The following STK24 variants were observed in gnomAD, a reference collection of about 807,000 sequenced individuals.
STK24 encodes the protein serine/threonine kinase 24.
In STK24, 21 loss-of-function variants were observed where a neutral mutation model predicts 55.6. That is an observed-to-expected ratio of 0.38 (90% CI 0.27 to 0.54). STK24 has a LOEUF of 0.54. STK24 is among the 20% of genes least tolerant of loss of function. The pLI is 0.79. For synonymous variants in STK24, 200 were observed against 215.2 expected (o/e 0.93, Z 0.62); for missense variants, 383 against 538.4 (o/e 0.71, Z 2.86).
chr13:98,537,451 C>T (rs1399817429), intron 1 of STK24, among the ~76,000 whole-genome samples: 1 of 152,188 alleles, frequency 6.6e-6, no homozygotes, highest in African/African-American at 2.4e-5. Flanking sequence ...ACAAGTGAGG[C>T]GAGTGCAGCT....
intron 1 of STK24, among the ~76,000 whole-genome samples, chr13:98,546,611 G>A (rs1408163925): frequency 6.6e-6 from 1 of 152,110 alleles, no homozygotes; most frequent in Non-Finnish European, 1.5e-5. Flanking sequence ...GAGATAAGCA[G>A]GCCAGCTTAT....
rs1892943002 is a variant in STK24, at chr13:98,447,803, C to G, written c.*5370G>C. The G allele has an allele frequency of 1.2e-5, 2 of 170,990 alleles. No homozygotes were observed. The highest frequency in any genetic ancestry group is 1.2e-4 in the Admixed American group (2 of 16,746). The allele number at this position is 170,990 out of a possible 1,614,324, so 10.6% of individuals were successfully genotyped here. ...GTAGCTACAGTGGGCGATAACTGCA[C>G]CACTGAACTCCAGTATGAGTGACAG... is the stretch of plus-strand genomic sequence containing the variant. On this transcript the variant is annotated 3_prime_UTR_variant, in exon 11 of 11. Transcript: ENST00000539966.
chr13:98,540,022 A>G (rs149112023), intron 1 of STK24, among the ~76,000 whole-genome samples: 180 of 152,316 alleles, frequency 1.2e-3, no homozygotes, highest in Middle Eastern at 3.4e-3. Flanking sequence ...AAACAACAGA[A>G]TACGATTCTG....
rs1281611905 is a variant in STK24 at position 98,445,186 on chromosome 13, C to T, written c.*7987G>A. On this transcript the variant is annotated 3_prime_UTR_variant, in exon 11 of 11. Coordinates refer to ENST00000539966, the MANE Select transcript of STK24 (RefSeq NM_001032296.4). ...CCAGAGAGATGGAATGAGGCAGACT[C>T]GGAGGTCTGTATTTTTTATTGTGGT... 1 of 152,238 alleles carries T rather than the reference C, an allele frequency of 6.6e-6. No individual in the cohort carries two copies. The highest frequency in any genetic ancestry group is 1.5e-5 in the Non-Finnish European group (1 of 68,048). The allele number at this position is 152,238 out of a possible 1,614,324, so 9.4% of individuals were successfully genotyped here. A position where few individuals can be genotyped will look rare whatever the true frequency, so the allele number is the denominator to read the frequency against.
intron 1 of STK24, 32 bp downstream of exon 1, chr13:98,576,713 G>A (rs1452630616): frequency 6.9e-7 from 1 of 1,454,090 alleles, no homozygotes; most frequent in Non-Finnish European, 9.1e-7. Context: ...CCCCGGTCGC[G>A]CATCCCGGCC....
At chr13:98,545,372 C>T (rs1246314185) in intron 1 of STK24, among the ~76,000 whole-genome samples, 5 of 152,044 alleles carry the variant, frequency 3.3e-5, no homozygotes, top group African/African-American at 7.2e-5. Flanking sequence ...CTAGGCCGGG[C>T]GCAGTGGCTC....
rs527469322 is a variant in STK24, at chr13:98,567,525, G to A, written c.42+9220C>T. Among the ~76,000 whole-genome samples the A allele has an allele frequency of 2.6e-4, 39 of 152,342 alleles. 3 individuals carry two copies. In the South Asian group the frequency reaches 8.1e-3, roughly 32 times the overall value. On this transcript the variant is annotated intron_variant, in intron 1 of 10. Coordinates refer to ENST00000539966, the MANE Select transcript of STK24 (RefSeq NM_001032296.4). Reference sequence around the variant, plus strand: ...GGATCTTGGGACCAAAAAAATGAGAGAAGCAAGAAGAGCAGGTTCTCAGTT... The same window carrying A: ...GGATCTTGGGACCAAAAAAATGAGAAAAGCAAGAAGAGCAGGTTCTCAGTT...
chr13:98,450,551 A>G lies in STK24; in HGVS notation c.*2622T>C, dbSNP rs1352040458. On this transcript the variant is annotated 3_prime_UTR_variant, in exon 11 of 11. Coordinates refer to ENST00000539966, the MANE Select transcript of STK24 (RefSeq NM_001032296.4). ...ACCTCATTGGCAGCAGCCAGCCAGGACACAGCTCAAAAACGCAGGAGCTAC... is the reference window on the plus strand; with the variant it reads ...ACCTCATTGGCAGCAGCCAGCCAGGGCACAGCTCAAAAACGCAGGAGCTAC... 1 of 152,404 alleles carries G rather than the reference A, an allele frequency of 6.6e-6. No individual in the cohort carries two copies. The highest frequency in any genetic ancestry group is 1.9e-4 in the East Asian group (1 of 5,200). 9.4% of individuals were successfully genotyped at this position (152,404 alleles called of 1,614,324 possible). A position where few individuals can be genotyped will look rare whatever the true frequency, so the allele number is the denominator to read the frequency against.
At chr13:98,475,086 C>A in intron 4 of STK24, 108 bp from the exon 5 acceptor site, 1 of 1,458,584 alleles carries the variant, frequency 6.9e-7, no homozygotes. Flanking sequence ...CGAGCACAGG[C>A]ACCGGGGCTA....
chr13:98,445,289 G>A lies in STK24; in HGVS notation c.*7884C>T, dbSNP rs913162959. 1 of 152,296 alleles carries A rather than the reference G, an allele frequency of 6.6e-6. No homozygotes were observed. Among genetic ancestry groups the A allele is most frequent in the Admixed American group, 6.5e-5 (1 of 15,280 alleles). The allele number at this position is 152,296 out of a possible 1,614,324, so 9.4% of individuals were successfully genotyped here. A position where few individuals can be genotyped will look rare whatever the true frequency, so the allele number is the denominator to read the frequency against. On this transcript the variant is annotated 3_prime_UTR_variant, in exon 11 of 11. Coordinates refer to ENST00000539966, the MANE Select transcript of STK24 (RefSeq NM_001032296.4). ...TCAGTGGCATTAAGTGCCTTTACAA[G>A]GTGGTGCAACTGCTTTGAGTCTCTG...
Position 98,457,284 on chromosome 13 carries a change from C to T in STK24, c.1143G>A (p.Ala381=), listed in dbSNP as rs201499071. The T allele has an allele frequency of 4.5e-5, 73 of 1,614,064 alleles. No homozygotes were observed. The East Asian group carries it at 5.6e-4, about 12-fold the overall frequency. Residue 381 remains alanine, a synonymous_variant, in exon 10 of 11, where the codon GCG becomes GCA. Transcript: ENST00000539966. ...CAATGGACCCCAAGTTCCCTCCGCA[C>T]GCCTGGCTCTTCTCCTTCAACTGAA... ...LFAELKEKSQ[A]CGGNLGSIEE... is the part of the protein sequence containing the mutation.
intron 2 of STK24, among the ~76,000 whole-genome samples, chr13:98,497,314 C>G (rs1253803642): frequency 1.3e-5 from 2 of 152,180 alleles, no homozygotes; most frequent in Admixed American, 1.3e-4. Context: ...TAGGACTAAC[C>G]ACGTATGTTA....
chr13:98,543,403 G>A (rs1311790758), intron 1 of STK24, among the ~76,000 whole-genome samples: 5 of 152,138 alleles, frequency 3.3e-5, no homozygotes, highest in Non-Finnish European at 7.4e-5. Context: ...AAACACAGCT[G>A]CCCCAAATTC....
chr13:98,568,724 C>T (rs1166040682), intron 1 of STK24, among the ~76,000 whole-genome samples: 1 of 151,470 alleles, frequency 6.6e-6, no homozygotes, highest in Non-Finnish European at 1.5e-5. Context: ...AAAAATTAGC[C>T]AGGCATGGTG....
At chr13:98,541,784 G>A (rs562923235) in intron 1 of STK24, among the ~76,000 whole-genome samples, 14 of 152,284 alleles carry the variant, frequency 9.2e-5, no homozygotes, top group African/African-American at 3.4e-4. Flanking sequence ...CTTTTACCAT[G>A]AGGAAGTGTA....
intron 2 of STK24, among the ~76,000 whole-genome samples, chr13:98,515,771 T>C (rs1238316658): frequency 2.6e-5 from 4 of 152,220 alleles, no homozygotes; most frequent in Non-Finnish European, 5.9e-5. Context: ...GAATGCTAGC[T>C]ACCCCAACAA....
chr13:98,555,533 C>T (rs1333745131), intron 1 of STK24, among the ~76,000 whole-genome samples: 1 of 150,594 alleles, frequency 6.6e-6, no homozygotes, highest in Non-Finnish European at 1.5e-5. Context: ...GAGCCGAGAT[C>T]GCACCACTGC....
At chr13:98,533,760 ACACACACACACACACG>A (rs985393308) in intron 1 of STK24, among the ~76,000 whole-genome samples, 3 of 140,852 alleles carry the variant, frequency 2.1e-5, no homozygotes, top group African/African-American at 9.3e-5. Flanking sequence ...TCAGTACCCA[ACACACACACACACACG>A]CACACGCACC....
chr13:98,469,866 G>A (rs1324628230), intron 5 of STK24, among the ~76,000 whole-genome samples: 5 of 152,138 alleles, frequency 3.3e-5, no homozygotes, highest in Non-Finnish European at 5.9e-5. Context: ...AAGCAATTTG[G>A]CATACAAATC....
Sources: gnomAD v4.1 joint callset for allele counts (sites outside exome capture counted in the v4.1 genomes callset) on GRCh38, gnomAD v4.1.1 for gene constraint, MANE v1.5 for transcripts, NCBI Gene and HGNC (gene_info 2026-07-23, HGNC 2026-07-21) for gene names.